Variants in PPP3R1 observed in about 807,000 individuals in gnomAD.
The protein encoded by PPP3R1 is protein phosphatase 3 regulatory subunit B, alpha.
A neutral mutation model predicts 22.6 loss-of-function variants in PPP3R1; 5 were observed. That is an observed-to-expected ratio of 0.22 (90% CI 0.12 to 0.46). The LOEUF (loss-of-function observed/expected upper bound fraction) is 0.46. Among genes scored for constraint, PPP3R1 ranks in the 20% least tolerant of loss-of-function variants. The pLI is 0.99. For synonymous variants in PPP3R1, 56 were observed against 65.2 expected, an observed-to-expected ratio of 0.86 and a Z score of 0.68; for missense variants, 61 against 203.2, an observed-to-expected ratio of 0.30 and a Z score of 4.25.
intron 2 of PPP3R1, among the ~76,000 whole-genome samples, chr2:68,209,380 A>G (rs1228498563): frequency 7.3e-6 from 1 of 136,708 alleles, no homozygotes; most frequent in African/African-American, 2.8e-5. Context: ...AAAAAAAAAA[A>G]AAAAAAAAAA....
At chr2:68,210,934 C>G (rs1669465890) in intron 2 of PPP3R1, among the ~76,000 whole-genome samples, 1 of 152,144 alleles carries the variant, frequency 6.6e-6, no homozygotes, top group Non-Finnish European at 1.5e-5. Context: ...CAAATACAGG[C>G]ATACCTCAGA....
intron 2 of PPP3R1, among the ~76,000 whole-genome samples, chr2:68,215,830 G>A (rs1230192357): frequency 1.3e-5 from 2 of 152,084 alleles, no homozygotes; most frequent in Non-Finnish European, 2.9e-5. Flanking sequence ...TGGGGAAAGA[G>A]TAGAGTAGAT....
chr2:68,232,147 GTATA>G (rs374617152), intron 1 of PPP3R1, among the ~76,000 whole-genome samples: 2 of 60,796 alleles, frequency 3.3e-5, no homozygotes, highest in African/African-American at 1.1e-4. Context: ...ACATATATAT[GTATA>G]TATATATACA....
At chr2:68,188,038 C>CA (rs1674583981) in intron 3 of PPP3R1, among the ~76,000 whole-genome samples, 1 of 152,026 alleles carries the variant, frequency 6.6e-6, no homozygotes, top group Non-Finnish European at 1.5e-5. Context: ...GGTGTGGTGG[C>CA]ACATGCCTGT....
chr2:68,230,976 T>C (rs937006132), intron 1 of PPP3R1, among the ~76,000 whole-genome samples: 6 of 152,254 alleles, frequency 3.9e-5, no homozygotes, highest in Non-Finnish European at 5.9e-5. Flanking sequence ...TACAGGTTTA[T>C]CCTGTTGAAC....
At chr2:68,186,101 A>G (rs1332137199) in intron 5 of PPP3R1, among the ~76,000 whole-genome samples, 4 of 152,226 alleles carry the variant, frequency 2.6e-5, no homozygotes, top group Non-Finnish European at 4.4e-5. Flanking sequence ...TAGTATCTCT[A>G]GCTTGCAGTT....
chr2:68,244,574 C>G (rs1033400189), intron 1 of PPP3R1, among the ~76,000 whole-genome samples: 6 of 151,966 alleles, frequency 3.9e-5, no homozygotes, highest in African/African-American at 1.5e-4. Flanking sequence ...AATGTCTATC[C>G]TTTCCTTTTA....
In PPP3R1 at chr2:68,179,146, T is replaced by C. The variant is rs868234157; in HGVS notation, c.*1817A>G. 1 of 152,608 alleles carries C rather than the reference T, an allele frequency of 6.6e-6. No homozygotes were observed. Among genetic ancestry groups the C allele is most frequent in the Non-Finnish European group, 1.5e-5 (1 of 68,036 alleles). 9.5% of individuals were successfully genotyped at this position (152,608 alleles called of 1,614,324 possible). A position where few individuals can be genotyped will look rare whatever the true frequency, so the allele number is the denominator to read the frequency against. On this transcript the variant is annotated 3_prime_UTR_variant, in exon 6 of 6. Coordinates refer to ENST00000234310, the MANE Select transcript of PPP3R1 (RefSeq NM_000945.4). ...CTAAAATATTTGTAACAAATACTTATGTACAAAAAATTCACAAAAGGCTAG... is the reference window on the plus strand; with the variant it reads ...CTAAAATATTTGTAACAAATACTTACGTACAAAAAATTCACAAAAGGCTAG...
chr2:68,245,639 T>A (rs555989053), intron 1 of PPP3R1, among the ~76,000 whole-genome samples: 1 of 152,206 alleles, frequency 6.6e-6, no homozygotes, highest in Non-Finnish European at 1.5e-5. Flanking sequence ...AATGCCTCCA[T>A]TTTTATTTGC....
At chr2:68,228,914 T>C (rs1669833856) in intron 1 of PPP3R1, among the ~76,000 whole-genome samples, 1 of 152,306 alleles carries the variant, frequency 6.6e-6, no homozygotes, top group African/African-American at 2.4e-5. Flanking sequence ...CATAGATTAT[T>C]TGGAAGTGTT....
intron 2 of PPP3R1, among the ~76,000 whole-genome samples, chr2:68,208,466 C>T (rs1454141644): frequency 6.6e-6 from 1 of 152,146 alleles, no homozygotes; most frequent in African/African-American, 2.4e-5. Context: ...GTTCCAATGG[C>T]TATGTTTTAT....
intron 1 of PPP3R1, among the ~76,000 whole-genome samples, chr2:68,229,445 C>T (rs73935319): frequency 0.021 from 3,194 of 152,240 alleles, 122 homozygotes; most frequent in African/African-American, 0.073. Flanking sequence ...TATATCCTTG[C>T]TGATTTTCTT....
chr2:68,181,408 A>G (rs914949278), intron 5 of PPP3R1, among the ~76,000 whole-genome samples: 3 of 151,826 alleles, frequency 2.0e-5, no homozygotes, highest in Admixed American at 1.3e-4. Context: ...AAAAAAAAAA[A>G]AATTACTTTA....
rs868234157 is a variant in PPP3R1, at chr2:68,179,146, T to G, written c.*1817A>C. On this transcript the variant is annotated 3_prime_UTR_variant, in exon 6 of 6. Transcript: ENST00000234310. ...CTAAAATATTTGTAACAAATACTTA[T>G]GTACAAAAAATTCACAAAAGGCTAG... is the stretch of plus-strand genomic sequence containing the variant. 1.2e-4 allele frequency: 18 copies of G among 152,726 alleles called. No individual in the cohort carries two copies. Among genetic ancestry groups the G allele is most frequent in the Non-Finnish European group, 2.4e-4 (16 of 68,028 alleles). The allele number at this position is 152,726 out of a possible 1,614,324, so 9.5% of individuals were successfully genotyped here.
At chr2:68,198,350 T>G (rs1307806553) in intron 2 of PPP3R1, among the ~76,000 whole-genome samples, 1 of 76,430 alleles carries the variant, frequency 1.3e-5, no homozygotes, top group Non-Finnish European at 2.5e-5. Flanking sequence ...TACATGTATA[T>G]GCATATATAT....
intron 1 of PPP3R1, among the ~76,000 whole-genome samples, chr2:68,249,424 T>TA (rs910985443): frequency 1.3e-4 from 19 of 151,198 alleles, no homozygotes; most frequent in African/African-American, 4.1e-4. Flanking sequence ...ATCATGGAGA[T>TA]AAAAAAAAAT....
At chr2:68,223,618 G>A (rs368033925) in intron 1 of PPP3R1, among the ~76,000 whole-genome samples, 26 of 151,978 alleles carry the variant, frequency 1.7e-4, no homozygotes, top group South Asian at 4.2e-4. Context: ...CCAAACAGAC[G>A]CAATAAAAGC....
At chr2:68,222,797 G>A (rs547670265) in intron 1 of PPP3R1, among the ~76,000 whole-genome samples, 1 of 152,056 alleles carries the variant, frequency 6.6e-6, no homozygotes, top group South Asian at 2.1e-4. Flanking sequence ...TTTCTCTGGA[G>A]AAACCTGACT....
At position 68,252,370 on chromosome 2, in the gene PPP3R1, G is replaced by A; in HGVS notation, c.-243C>T. Reference sequence around the variant, plus strand: ...AGGTCGAGATTCAGAGCCGGAGAGCGCGGGAGGAGCAGCGGCGAGAGGCAG... The same window carrying A: ...AGGTCGAGATTCAGAGCCGGAGAGCACGGGAGGAGCAGCGGCGAGAGGCAG... On this transcript the variant is annotated 5_prime_UTR_variant, in exon 1 of 6. Transcript: ENST00000234310. The A allele has an allele frequency of 9.9e-7, 1 of 1,006,474 alleles. No individual in the cohort carries two copies. Among genetic ancestry groups the A allele is most frequent in the South Asian group, 4.6e-5 (1 of 21,590 alleles). The allele number at this position is 1,006,474 out of a possible 1,614,324, so 62.3% of individuals were successfully genotyped here.
Sources: gnomAD v4.1 joint callset for allele counts (sites outside exome capture counted in the v4.1 genomes callset) on GRCh38, gnomAD v4.1.1 for gene constraint, MANE v1.5 for transcripts, NCBI Gene and HGNC (gene_info 2026-07-23, HGNC 2026-07-21) for gene names.